The following MAP4 variants were observed in gnomAD, a reference collection of about 807,000 sequenced individuals.
MAP4 encodes microtubule-associated protein 4.
MAP4 carries 76 observed loss-of-function variants against 170.2 expected under a neutral mutation model. That is an observed-to-expected ratio of 0.45 (90% CI 0.37 to 0.54). MAP4 has a LOEUF of 0.54. Among genes scored for constraint, MAP4 ranks in the 20% least tolerant of loss-of-function variants. MAP4 has a pLI of 0.00. For synonymous variants in MAP4, 909 were observed against 994.5 expected (o/e 0.91, Z 1.62); for missense variants, 2,506 against 2,748.0 (o/e 0.91, Z 1.97).
At chr3:48,079,920 G>A (rs1425218714) in intron 1 of MAP4, among the ~76,000 whole-genome samples, 3 of 151,440 alleles carry the variant, frequency 2.0e-5, no homozygotes, top group African/African-American at 4.9e-5. Context: ...ACTACACTCC[G>A]GCCTGGGCAA....
intron 9 of MAP4, among the ~76,000 whole-genome samples, chr3:47,905,218 T>C (rs35199727): frequency 0.25 from 37,826 of 152,042 alleles, 5,174 homozygotes; most frequent in South Asian, 0.33. Flanking sequence ...TACGATAAGC[T>C]AGAAACAGTG....
intron 5 of MAP4, among the ~76,000 whole-genome samples, chr3:47,921,355 T>C (rs1479680228): frequency 6.6e-6 from 1 of 152,184 alleles, no homozygotes; most frequent in Non-Finnish European, 1.5e-5. Context: ...TACGCTACTT[T>C]GGCATAAGGA....
At chr3:47,958,577 T>A (rs1302915206) in intron 3 of MAP4, among the ~76,000 whole-genome samples, 1 of 152,102 alleles carries the variant, frequency 6.6e-6, no homozygotes, top group Non-Finnish European at 1.5e-5. Context: ...AGTGCAGTGG[T>A]GCGATCTTGA....
rs1209999531 is a variant in MAP4, at chr3:47,910,578, C to T, written c.3843G>A (p.Val1281=). 2.6e-6 allele frequency: 4 copies of T among 1,536,090 alleles called. No homozygotes were observed. The East Asian group carries it at 7.3e-5, about 28-fold the overall frequency. Residue 1281 remains valine, a synonymous_variant, in exon 9 of 21, where the codon GTG becomes GTA. Coordinates refer to ENST00000683076, the MANE Select transcript of MAP4 (RefSeq NM_001385682.1). ...TTCCACCCTTCCTGTCAACTGCTTC[C>T]ACTGTGGGTGTATCTGGTGTATGTG... ...SFSHTPDTPT[V]EAVDRKGGNF...
chr3:47,961,189 C>T (rs559311423), intron 3 of MAP4: 13 of 152,552 alleles, frequency 8.5e-5, no homozygotes, highest in African/African-American at 3.1e-4. Flanking sequence ...GAAGCTGGAA[C>T]TTCTATTTGA....
At chr3:47,989,158 C>T (rs1228718289) in intron 2 of MAP4, among the ~76,000 whole-genome samples, 1 of 152,172 alleles carries the variant, frequency 6.6e-6, no homozygotes, top group Non-Finnish European at 1.5e-5. Flanking sequence ...TGTCTGTAAT[C>T]CCAGCACTTT....
chr3:47,938,301 G>A (rs1033783286), intron 3 of MAP4, among the ~76,000 whole-genome samples: 2 of 152,038 alleles, frequency 1.3e-5, no homozygotes, highest in African/African-American at 4.8e-5. Context: ...CTGGGAGGTG[G>A]AGGTTGCAGT....
chr3:47,910,225 T>TCC lies in MAP4; in HGVS notation c.4194_4195dup (p.Asp1399GlyfsTer28), dbSNP rs576751650. 5.3e-5 allele frequency: 86 copies of TCC among 1,611,602 alleles called. No homozygotes were observed. Among genetic ancestry groups the TCC allele is most frequent in the Non-Finnish European group, 7.0e-5 (82 of 1,179,850 alleles). On this transcript the variant is annotated frameshift_variant, in exon 9 of 21. Transcript: ENST00000683076. LOFTEE classifies it high-confidence loss of function. Reference sequence around the variant, plus strand: ...ATAGGCCATTCCTTCAATTCCCTGGTCCCCTGTGGTTTCCATGGGAACATG... The same window carrying TCC: ...ATAGGCCATTCCTTCAATTCCCTGGTCCCCCCTGTGGTTTCCATGGGAACATG...
At chr3:48,068,589 C>T (rs1033995759) in intron 1 of MAP4, among the ~76,000 whole-genome samples, 1 of 152,032 alleles carries the variant, frequency 6.6e-6, no homozygotes, top group East Asian at 1.9e-4. Context: ...TCCAGACCAG[C>T]CCGGCCAACA....
Position 47,916,979 on chromosome 3 carries a change from T to C in MAP4, c.848A>G (p.Lys283Arg). ...GTCCTTGGCCAGTGTCACATCTAAT[T>C]TGGTGGGTGATTCCATATCTTTAGC... ...ALAKDMESPT[K>R]LDVTLAKDMQ... The change falls in exon 7 of 21, where the codon AAA becomes AGA. Residue 283 changes from lysine to arginine, a missense_variant. Lys to Arg is a conservative substitution (Grantham distance 26, BLOSUM62 2). Coordinates refer to ENST00000683076, the MANE Select transcript of MAP4 (RefSeq NM_001385682.1). The C allele has an allele frequency of 2.5e-6, 4 of 1,614,230 alleles. No individual in the cohort carries two copies. Among genetic ancestry groups the C allele is most frequent in the Non-Finnish European group, 3.4e-6 (4 of 1,180,042 alleles).
At chr3:48,070,150 T>A (rs1184833406) in intron 1 of MAP4, among the ~76,000 whole-genome samples, 29 of 151,830 alleles carry the variant, frequency 1.9e-4, no homozygotes, top group Non-Finnish European at 1.8e-4. Flanking sequence ...TTTTTAACTT[T>A]TTTTTTTTCA....
chr3:47,951,522 G>A (rs910632676), intron 3 of MAP4, among the ~76,000 whole-genome samples: 6 of 152,346 alleles, frequency 3.9e-5, no homozygotes, highest in African/African-American at 1.4e-4. Context: ...ACTGGTTTTC[G>A]TATTTTTTTG....
chr3:48,012,761 A>G (rs577149241), intron 1 of MAP4, among the ~76,000 whole-genome samples: 1 of 152,318 alleles, frequency 6.6e-6, no homozygotes, highest in African/African-American at 2.4e-5. Flanking sequence ...AAACTGATAG[A>G]AAATTATACA....
chr3:47,978,380 C>T (rs2100083423), intron 2 of MAP4, among the ~76,000 whole-genome samples: 1 of 152,124 alleles, frequency 6.6e-6, no homozygotes, highest in African/African-American at 2.4e-5. Context: ...TGCCATGGTG[C>T]AACCTCGGCT....
At chr3:48,035,190 G>GGA (rs1198324820) in intron 1 of MAP4, among the ~76,000 whole-genome samples, 1 of 84,042 alleles carries the variant, frequency 1.2e-5, no homozygotes, top group Non-Finnish European at 2.2e-5. Flanking sequence ...TGATTTGTAT[G>GGA]AAAAAAAAAA....
At chr3:48,059,264 C>T (rs1364180824) in intron 1 of MAP4, among the ~76,000 whole-genome samples, 3 of 152,030 alleles carry the variant, frequency 2.0e-5, no homozygotes, top group Non-Finnish European at 4.4e-5. Context: ...ACCTTAATCC[C>T]AACACTTTGG....
Position 48,087,745 on chromosome 3 carries a change from G to GCGCACACA in MAP4, c.-20+1027_-20+1028insTGTGTGCG, listed in dbSNP as rs1491486983. 2.9e-3 allele frequency among the ~76,000 whole-genome samples: 310 copies of GCGCACACA among 105,674 alleles called. 1 individual carries two copies. Among genetic ancestry groups the GCGCACACA allele is most frequent in the South Asian group, 8.5e-3 (24 of 2,836 alleles). 69.3% of individuals were successfully genotyped at this position (105,674 alleles called of 152,430 possible). A position where few individuals can be genotyped will look rare whatever the true frequency, so the allele number is the denominator to read the frequency against. On this transcript the variant is annotated intron_variant, in intron 1 of 18. Coordinates refer to the MAP4 transcript ENST00000360240. ...CACGCACGCGCACACACACGCACGC[G>GCGCACACA]CACACACACACACACACACACACAC...
At chr3:48,038,176 GAAA>G (rs397786308) in intron 1 of MAP4, among the ~76,000 whole-genome samples, 3 of 118,870 alleles carry the variant, frequency 2.5e-5, no homozygotes, top group African/African-American at 3.4e-5. Context: ...TCCAAAAAAA[GAAA>G]AAAAAAAAAA....
chr3:48,059,428 T>C (rs988061097), intron 1 of MAP4, among the ~76,000 whole-genome samples: 80 of 140,782 alleles, frequency 5.7e-4, no homozygotes, highest in African/African-American at 2.2e-3. Context: ...GGCATGAGAA[T>C]CACTTGAGCC....
Sources: gnomAD v4.1 joint callset for allele counts (sites outside exome capture counted in the v4.1 genomes callset) on GRCh38, gnomAD v4.1.1 for gene constraint, MANE v1.5 for transcripts, NCBI Gene and HGNC (gene_info 2026-07-23, HGNC 2026-07-21) for gene names.